Variants in BIRC6 observed in about 807,000 individuals in gnomAD.
BIRC6 encodes the protein dual E2 ubiquitin-conjugating enzyme/E3 ubiquitin-protein ligase BIRC6.
In BIRC6, 98 loss-of-function variants were observed where a neutral mutation model predicts 503.3. The ratio of observed to expected loss-of-function variants is 0.19; its 90% CI spans 0.17 to 0.23. The LOEUF is 0.23. Among genes scored for constraint, BIRC6 ranks in the 10% least tolerant of loss-of-function variants. The pLI, the probability that BIRC6 is intolerant of heterozygous loss-of-function variation, is 1.00. For synonymous variants in BIRC6, 2,240 were observed against 2,078.7 expected, an observed-to-expected ratio of 1.08 and a Z score of -2.11; for missense variants, 5,360 against 5,806.0, an observed-to-expected ratio of 0.92 and a Z score of 2.50.
chr2:32,442,289 C>G (rs1422033057), intron 18 of BIRC6, 35 bp from the exon 19 acceptor site: 1 of 1,609,108 alleles, frequency 6.2e-7, no homozygotes, highest in African/African-American at 1.3e-5. Context: ...ATTGAAAGTT[C>G]AGGATGAGTC....
intron 23 of BIRC6, among the ~76,000 whole-genome samples, chr2:32,456,794 T>C (rs1199395490): frequency 6.6e-6 from 1 of 152,238 alleles, no homozygotes; most frequent in African/African-American, 2.4e-5. Context: ...GTTTGTTTTT[T>C]AGTTAATGAG....
At chr2:32,474,240 C>T (rs892313920) in intron 33 of BIRC6, among the ~76,000 whole-genome samples, 22 of 151,658 alleles carry the variant, frequency 1.5e-4, no homozygotes, top group Non-Finnish European at 5.9e-5. Context: ...TTATTTTTCA[C>T]TTCTAAGTTT....
Position 32,380,275 on chromosome 2 carries a change from C to T in BIRC6, c.630C>T (p.Asn210=), listed in dbSNP as rs747318323. Residue 210 remains asparagine (N), a synonymous_variant, in exon 3 of 74, where the codon AAC becomes AAT. Transcript: ENST00000421745. Reference sequence around the variant, plus strand: ...ATACATCTCATGAGACTGCAGCAAACCACAAAGTTGCTAAGGTAAGAAGTT... The same window carrying T: ...ATACATCTCATGAGACTGCAGCAAATCACAAAGTTGCTAAGGTAAGAAGTT... ...LKNTSHETAA[N]HKVAKWATVT... is the part of the protein sequence containing the mutation. 21 of 1,599,614 alleles carry T rather than the reference C, an allele frequency of 1.3e-5. No homozygotes were observed. The highest frequency in any genetic ancestry group is 2.7e-5 in the African/African-American group (2 of 74,058).
rs757742725 is a variant in BIRC6, at chr2:32,515,676, C to G, written c.11255C>G (p.Thr3752Ser). ...SLSSAATTGLTTQQRTAIENA... is the reference protein window; with the variant it reads ...SLSSAATTGLSTQQRTAIENA... Reference sequence around the variant, plus strand: ...TCTTCAGCTGCTACAACAGGACTGACTACTCAACAGCGCACAGCAATTGAG... The same window carrying G: ...TCTTCAGCTGCTACAACAGGACTGAGTACTCAACAGCGCACAGCAATTGAG... The change falls in exon 55 of 74, where the codon ACT (threonine) becomes AGT (serine). Residue 3752 changes from threonine to serine, a missense_variant. Around this residue, in one of 16 missense-constraint regions of BIRC6, gnomAD observed 878 missense variants for 928.9 expected, o/e 0.95. Coordinates refer to ENST00000421745, the MANE Select transcript of BIRC6 (RefSeq NM_016252.4). 4.4e-6 allele frequency: 7 copies of G among 1,607,524 alleles called. No homozygotes were observed. In the South Asian group the frequency reaches 7.7e-5, roughly 18 times the overall value.
chr2:32,377,858 G>T, intron 2 of BIRC6, 89 bp downstream of exon 2: 1 of 1,182,014 alleles, frequency 8.5e-7, no homozygotes, highest in African/African-American at 1.6e-5. Flanking sequence ...ATCCTTTAAG[G>T]ACGTTATTAT....
chr2:32,448,608 C>T (rs1469002976), intron 21 of BIRC6, among the ~76,000 whole-genome samples, 187 bp from the exon 22 acceptor site: 1 of 151,700 alleles, frequency 6.6e-6, no homozygotes, highest in Non-Finnish European at 1.5e-5. Context: ...GCAGTACAGT[C>T]CAGCTTCGGC....
At chr2:32,397,316 C>G (rs1254436309) in intron 6 of BIRC6, among the ~76,000 whole-genome samples, 1 of 151,778 alleles carries the variant, frequency 6.6e-6, no homozygotes, top group South Asian at 2.1e-4. Context: ...GCTAAAGATA[C>G]AATAAATTAT....
chr2:32,511,142 C>A (rs969119350), intron 53 of BIRC6, among the ~76,000 whole-genome samples: 1 of 146,854 alleles, frequency 6.8e-6, no homozygotes, highest in Non-Finnish European at 1.5e-5. Flanking sequence ...AATATCATAA[C>A]ATGTAAATGA....
chr2:32,445,498 T>C (rs543479504), intron 20 of BIRC6, 23 bp from the exon 21 acceptor site: 1 of 1,514,882 alleles, frequency 6.6e-7, no homozygotes, highest in South Asian at 1.3e-5. Flanking sequence ...AAGAAACATT[T>C]ATTTTGTTTT....
At chr2:32,491,386 G>C in intron 43 of BIRC6, 39 bp from the exon 44 acceptor site, 2 of 1,535,984 alleles carry the variant, frequency 1.3e-6, no homozygotes, top group Non-Finnish European at 1.8e-6. Context: ...ATTATTTCAT[G>C]GTCCATTTCT....
Position 32,395,519 on chromosome 2 carries a change from A to T in BIRC6, c.960A>T (p.Ser320=). 1 of 1,608,958 alleles carries T rather than the reference A, an allele frequency of 6.2e-7. No homozygotes were observed. ...AQAGFYHQPA[S]SGDDRAMCFT... ...TCTTTATAATTTTGCAGCCTGCCTCATCTGGAGATGATAGAGCCATGTGTT... is the reference window on the plus strand; with the variant it reads ...TCTTTATAATTTTGCAGCCTGCCTCTTCTGGAGATGATAGAGCCATGTGTT... Residue 320 remains serine (S), a synonymous_variant, in exon 6 of 74, where the codon TCA becomes TCT. Transcript: ENST00000421745.
chr2:32,513,456 T>C (rs1442507482), intron 54 of BIRC6, among the ~76,000 whole-genome samples: 1 of 152,198 alleles, frequency 6.6e-6, no homozygotes. Flanking sequence ...ATCTTTAATG[T>C]ACAACTCTGG....
chr2:32,424,282 A>T (rs911387375), intron 10 of BIRC6, among the ~76,000 whole-genome samples: 1 of 152,010 alleles, frequency 6.6e-6, no homozygotes, highest in Admixed American at 6.6e-5. Flanking sequence ...ATATATATAC[A>T]TATTGGGTTT....
At chr2:32,499,408 C>G (rs970791322) in intron 45 of BIRC6, 139 bp from the exon 46 acceptor site, 6 of 741,658 alleles carry the variant, frequency 8.1e-6, no homozygotes, top group Non-Finnish European at 1.2e-5. Context: ...TAGTGAATAT[C>G]AAGAATTTGT....
At chr2:32,519,848 G>A (rs1225673683) in intron 57 of BIRC6, among the ~76,000 whole-genome samples, 6 of 152,142 alleles carry the variant, frequency 3.9e-5, no homozygotes, top group Admixed American at 3.9e-4. Context: ...GGAGTGTATT[G>A]CCACTGTGAA....
At chr2:32,603,958 T>C (rs554794191) in intron 71 of BIRC6, among the ~76,000 whole-genome samples, 1 of 152,038 alleles carries the variant, frequency 6.6e-6, no homozygotes, top group African/African-American at 2.4e-5. Flanking sequence ...GAAAACACTT[T>C]AGCTTGGTAT....
chr2:32,460,184 C>A (rs556975229), intron 23 of BIRC6, among the ~76,000 whole-genome samples: 7 of 121,112 alleles, frequency 5.8e-5, no homozygotes, highest in East Asian at 4.7e-4. Context: ...ATATATATAT[C>A]TCATATGTGA....
intron 66 of BIRC6, among the ~76,000 whole-genome samples, chr2:32,589,030 C>G (rs1166705383): frequency 6.6e-6 from 1 of 152,104 alleles, no homozygotes; most frequent in African/African-American, 2.4e-5. Flanking sequence ...CAAGCAGGAA[C>G]AAAGCCTTTT....
Position 32,513,029 on chromosome 2 carries a change from A to G in BIRC6, c.10443A>G (p.Thr3481=), listed in dbSNP as rs753637661. 6.2e-7 allele frequency: 1 copy of G among 1,613,960 alleles called. No individual in the cohort carries two copies. Among genetic ancestry groups the G allele is most frequent in the East Asian group, 2.2e-5 (1 of 44,854 alleles). Residue 3481 remains threonine, a synonymous_variant, in exon 54 of 74, where the codon ACA becomes ACG. Coordinates refer to ENST00000421745, the MANE Select transcript of BIRC6 (RefSeq NM_016252.4). ...RMNYMCPNSS[T]VEYGLLMPSP... ...ACTACATGTGTCCTAACTCCTCAACAGTAGAGTATGGTCTTCTGATGCCAT... is the reference window on the plus strand; with the variant it reads ...ACTACATGTGTCCTAACTCCTCAACGGTAGAGTATGGTCTTCTGATGCCAT...
Sources: allele counts gnomAD v4.1 joint callset (sites outside exome capture counted in the v4.1 genomes callset), GRCh38; gene constraint gnomAD v4.1.1; regional missense constraint gnomAD v4.1.1; transcripts MANE v1.5; gene names NCBI Gene and HGNC (gene_info 2026-07-23, HGNC 2026-07-21).